The following SCP2 variants were observed in gnomAD, a reference collection of about 807,000 sequenced individuals.
The protein encoded by SCP2 is sterol carrier protein 2, also known as SCP-2/3-oxoacyl-CoA thiolase.
SCP2 carries 48 observed loss-of-function variants against 71.4 expected under a neutral mutation model. That is an observed-to-expected ratio of 0.67 (90% CI 0.53 to 0.86). The LOEUF (loss-of-function observed/expected upper bound fraction) is 0.86, where lower values mean the gene tolerates loss of function less well. Ranked by LOEUF, SCP2 falls within the 40% of genes least tolerant of loss-of-function variation. The pLI is 0.00. For synonymous variants in SCP2, 220 were observed against 218.1 expected, an observed-to-expected ratio of 1.01 and a Z score of -0.08; for missense variants, 560 against 655.6, an observed-to-expected ratio of 0.85 and a Z score of 1.59.
rs192768400 is a variant in SCP2 at position 52,982,556 on chromosome 1, C to T, written c.973+2013C>T. Among the ~76,000 whole-genome samples, 373 of 152,048 alleles carry T rather than the reference C, an allele frequency of 2.5e-3. 1 individual carries two copies. The highest frequency in any genetic ancestry group is 0.017 in the Middle Eastern group (5 of 294). ...CTGCACTCCAGCCTGGGTGACAGAGCGAGACTCCATCTCAAAAAAACAAAA... is the reference window on the plus strand; with the variant it reads ...CTGCACTCCAGCCTGGGTGACAGAGTGAGACTCCATCTCAAAAAAACAAAA... On this transcript the variant is annotated intron_variant, in intron 10 of 15. Transcript: ENST00000371514.
chr1:52,933,396 A>T (rs1213743433), intron 1 of SCP2, among the ~76,000 whole-genome samples: 1 of 152,166 alleles, frequency 6.6e-6, no homozygotes, highest in Non-Finnish European at 1.5e-5. Flanking sequence ...CCTGGGCAAC[A>T]TGGCAAAACC....
At chr1:53,011,148 T>C (rs1660966418) in intron 11 of SCP2, among the ~76,000 whole-genome samples, 1 of 152,236 alleles carries the variant, frequency 6.6e-6, no homozygotes, top group Non-Finnish European at 1.5e-5. Context: ...TCCTCAAAAA[T>C]TCAGGCTCTG....
At chr1:52,929,963 G>A (rs1022195075) in intron 1 of SCP2, among the ~76,000 whole-genome samples, 1 of 152,122 alleles carries the variant, frequency 6.6e-6, no homozygotes, top group African/African-American at 2.4e-5. Flanking sequence ...GCTGCCGTCT[G>A]GCTGACAGCA....
At chr1:53,000,129 A>C (rs1311248850) in intron 11 of SCP2, among the ~76,000 whole-genome samples, 2 of 151,854 alleles carry the variant, frequency 1.3e-5, no homozygotes, top group African/African-American at 4.8e-5. Flanking sequence ...TTAAATGAAT[A>C]AATGTTGGAC....
chr1:53,048,635 A>G (rs1663995322), intron 15 of SCP2: 1 of 155,318 alleles, frequency 6.4e-6, no homozygotes. Flanking sequence ...ATTTGTCTTT[A>G]TGTTTCCAGA....
intron 1 of SCP2, among the ~76,000 whole-genome samples, chr1:52,935,382 G>C (rs1173160356): frequency 6.6e-6 from 1 of 151,858 alleles, no homozygotes; most frequent in East Asian, 2.0e-4. Context: ...AGAAATTCGA[G>C]ACCAGCCTGG....
intron 13 of SCP2, among the ~76,000 whole-genome samples, chr1:53,037,659 A>G (rs1185789565): frequency 6.6e-6 from 1 of 152,028 alleles, no homozygotes; most frequent in Non-Finnish European, 1.5e-5. Context: ...ATAATTCTTT[A>G]TACTGATAGA....
chr1:52,993,372 G>T (rs41294532), intron 11 of SCP2: 28 of 1,613,970 alleles, frequency 1.7e-5, no homozygotes, highest in Non-Finnish European at 2.3e-5. Context: ...TTAAGTTGCC[G>T]TGCTAACTGC....
At chr1:52,946,345 C>T (rs1424680790) in intron 2 of SCP2, among the ~76,000 whole-genome samples, 5 of 152,090 alleles carry the variant, frequency 3.3e-5, no homozygotes, top group African/African-American at 1.2e-4. Flanking sequence ...CCTCTCTCTT[C>T]AGCTTCCCAA....
rs117472560 is a variant in SCP2 at position 53,011,463 on chromosome 1, C to T, written c.1082-3427C>T. On this transcript the variant is annotated intron_variant, in intron 11 of 15. Coordinates refer to ENST00000371514, the MANE Select transcript of SCP2 (RefSeq NM_002979.5). ...TTTGGTAGAGTGTTTGATACATGTT[C>T]GAATGGTTTATTTTTAGAAGCAACC... is the stretch of plus-strand genomic sequence containing the variant. 9.9e-5 allele frequency among the ~76,000 whole-genome samples: 15 copies of T among 152,244 alleles called. No homozygotes were observed. In the East Asian group the frequency reaches 1.7e-3, roughly 18 times the overall value.
intron 11 of SCP2, among the ~76,000 whole-genome samples, chr1:52,993,000 T>G (rs1165227623): frequency 2.6e-5 from 4 of 152,198 alleles, no homozygotes; most frequent in Non-Finnish European, 5.9e-5. Flanking sequence ...TGAAGCAGCC[T>G]TAGTGTTTCC....
intron 4 of SCP2, among the ~76,000 whole-genome samples, chr1:52,953,655 C>G (rs1655519262): frequency 6.6e-6 from 1 of 151,990 alleles, no homozygotes; most frequent in African/African-American, 2.4e-5. Context: ...CCGATTTTTC[C>G]TCTTATCTAG....
chr1:53,026,821 G>A (rs982870275), intron 12 of SCP2, among the ~76,000 whole-genome samples: 1 of 151,918 alleles, frequency 6.6e-6, no homozygotes, highest in Non-Finnish European at 1.5e-5. Context: ...GAGAGAAAAA[G>A]TATGAAATAA....
intron 9 of SCP2, among the ~76,000 whole-genome samples, chr1:52,980,055 C>G (rs1658345345): frequency 6.6e-6 from 1 of 151,950 alleles, no homozygotes; most frequent in African/African-American, 2.4e-5. Context: ...TTCCCTGCAG[C>G]CTTGACCTCC....
intron 6 of SCP2, among the ~76,000 whole-genome samples, chr1:52,962,346 G>A (rs1480028528): frequency 1.3e-5 from 2 of 152,064 alleles, no homozygotes; most frequent in Non-Finnish European, 2.9e-5. Context: ...TACTTTTGCT[G>A]TAGTGGCATA....
At chr1:53,011,886 T>G (rs74984772) in intron 11 of SCP2, among the ~76,000 whole-genome samples, 12,706 of 152,154 alleles carry the variant, frequency 0.084, 977 homozygotes, top group Admixed American at 0.2. Context: ...AGCTTTTAAT[T>G]TACATCACCG....
chr1:52,952,822 T>C (rs576384906), intron 4 of SCP2, among the ~76,000 whole-genome samples: 20 of 152,002 alleles, frequency 1.3e-4, no homozygotes, highest in African/African-American at 4.6e-4. Context: ...ACATTGTGTA[T>C]ATATATATAT....
chr1:53,025,601 T>G (rs1662071495), intron 12 of SCP2, among the ~76,000 whole-genome samples: 1 of 152,102 alleles, frequency 6.6e-6, no homozygotes, highest in African/African-American at 2.4e-5. Context: ...CTTTCCTCTT[T>G]GTATCTCCCT....
intron 6 of SCP2, among the ~76,000 whole-genome samples, chr1:52,970,712 C>A (rs373042420): frequency 1.1e-4 from 17 of 152,070 alleles, no homozygotes; most frequent in South Asian, 2.1e-4. Context: ...TGTTGGCCTG[C>A]GATTATCTCC....
Sources: gnomAD v4.1 joint callset for allele counts (sites outside exome capture counted in the v4.1 genomes callset) on GRCh38, gnomAD v4.1.1 for gene constraint, MANE v1.5 for transcripts, NCBI Gene and HGNC (gene_info 2026-07-23, HGNC 2026-07-21) for gene names.